The following ACYP2 variants were observed in gnomAD, a reference collection of about 807,000 sequenced individuals.
ACYP2 encodes acylphosphatase 2, also known as acylphosphatase-2.
Under a neutral mutation model 11.2 loss-of-function variants are expected in ACYP2, and 12 were observed. That is an observed-to-expected ratio of 1.08 (90% CI 0.69 to 1.74). The LOEUF (loss-of-function observed/expected upper bound fraction) is 1.74, where lower values mean the gene tolerates loss of function less well. Among genes scored for constraint, ACYP2 ranks in the 40% most tolerant of loss-of-function variants. The probability of loss-of-function intolerance (pLI) is 0.00; values close to 1 mark genes in which losing one functional copy is unlikely to be tolerated. For missense variants in ACYP2, 134 were observed against 101.9 expected (o/e 1.31, Z -1.35); for synonymous variants, 43 against 32.2 (o/e 1.33, Z -1.13).
chr2:54,162,546 A>G (rs1682765657), intron 6 of ACYP2, among the ~76,000 whole-genome samples: 1 of 152,130 alleles, frequency 6.6e-6, no homozygotes, highest in Non-Finnish European at 1.5e-5. Context: ...AGAAATGCAG[A>G]TTCTCGGCTC....
chr2:54,134,584 A>G (rs1681114537), intron 4 of ACYP2, among the ~76,000 whole-genome samples: 1 of 152,210 alleles, frequency 6.6e-6, no homozygotes, highest in Admixed American at 6.5e-5. Context: ...GTGCTTCAGC[A>G]TTTTATTTAT....
At chr2:54,051,129 C>A (rs1461292873) in intron 3 of ACYP2, 2 of 666,268 alleles carry the variant, frequency 3.0e-6, no homozygotes, top group African/African-American at 3.6e-5. Context: ...GTACACTGAA[C>A]TCCATAGAGA....
intron 4 of ACYP2, among the ~76,000 whole-genome samples, chr2:54,057,716 A>T (rs1239938641): frequency 1.3e-5 from 2 of 152,152 alleles, no homozygotes; most frequent in East Asian, 3.9e-4. Context: ...TAGCAAAAAT[A>T]TATATAATAC....
At chr2:54,123,762 T>C (rs1433275750) in intron 4 of ACYP2, among the ~76,000 whole-genome samples, 1 of 152,038 alleles carries the variant, frequency 6.6e-6, no homozygotes, top group African/African-American at 2.4e-5. Flanking sequence ...ATACCATGAT[T>C]AGGAGAAAAA....
At position 54,051,113 on chromosome 2, in the gene ACYP2, A is replaced by G. The variant is rs112820362; in HGVS notation, c.155+63A>G. ...GAGCTGTGCAATGGCTCTCACAGCC[A>G]TTGCAGTACACTGAACTCCATAGAG... On this transcript the variant is annotated intron_variant, in intron 3 of 6. Transcript: ENST00000607452. 8 of 627,666 alleles carry G rather than the reference A, an allele frequency of 1.3e-5. 1 individual carries two copies. Among genetic ancestry groups the G allele is most frequent in the African/African-American group, 9.2e-5 (5 of 54,454 alleles). The allele number at this position is 627,666 out of a possible 1,614,324, so 38.9% of individuals were successfully genotyped here.
intron 2 of ACYP2, among the ~76,000 whole-genome samples, chr2:53,995,561 T>C (rs1672536394): frequency 6.6e-6 from 1 of 151,488 alleles, no homozygotes; most frequent in African/African-American, 2.4e-5. Context: ...TGGAATGTAG[T>C]GGCATGATCT....
At chr2:54,184,581 C>G (rs1683890216) in intron 6 of ACYP2, among the ~76,000 whole-genome samples, 1 of 152,012 alleles carries the variant, frequency 6.6e-6, no homozygotes, top group South Asian at 2.1e-4. Flanking sequence ...AGATACCATT[C>G]ATGGTAGAAC....
rs565561206 is a variant in ACYP2, at chr2:54,053,656, T to G, written c.155+2606T>G. ...CTGGGCTGTGCAACTTAGGAACTCC[T>G]CTGCCACCAAGTAGATTGTGACCAC... On this transcript the variant is annotated intron_variant, in intron 3 of 6. Coordinates refer to ENST00000607452, the MANE Select transcript of ACYP2 (RefSeq NM_001320586.2). 6.6e-5 allele frequency among the ~76,000 whole-genome samples: 10 copies of G among 152,336 alleles called. No homozygotes were observed. The South Asian group carries it at 1.7e-3, about 25-fold the overall frequency.
At chr2:54,109,142 C>G (rs942664996) in intron 4 of ACYP2, among the ~76,000 whole-genome samples, 3 of 152,080 alleles carry the variant, frequency 2.0e-5, no homozygotes, top group African/African-American at 7.3e-5. Context: ...AAATATGGAA[C>G]CAGCCCAAAC....
chr2:54,295,209 A>AT (rs1038685364), intron 6 of ACYP2, among the ~76,000 whole-genome samples: 1 of 152,274 alleles, frequency 6.6e-6, no homozygotes, highest in African/African-American at 2.4e-5. Flanking sequence ...ATGCAATAAT[A>AT]TTGGGGAATG....
chr2:53,991,209 T>A (rs1234776953), intron 2 of ACYP2, among the ~76,000 whole-genome samples: 1 of 152,238 alleles, frequency 6.6e-6, no homozygotes, highest in Non-Finnish European at 1.5e-5. Flanking sequence ...CAAATGTTGC[T>A]GAGTAGCATT....
At chr2:53,973,899 G>GTA (rs1558445412) in intron 2 of ACYP2, 4 of 83,634 alleles carry the variant, frequency 4.8e-5, no homozygotes, top group African/African-American at 6.1e-5. Context: ...GTGTGTGTGT[G>GTA]TGTATATATT....
intron 6 of ACYP2, among the ~76,000 whole-genome samples, chr2:54,158,352 A>T (rs934119159): frequency 6.6e-6 from 1 of 150,392 alleles, no homozygotes; most frequent in African/African-American, 2.4e-5. Flanking sequence ...TGCTTTTCTT[A>T]TTTTTTTTCC....
chr2:54,060,325 T>C (rs929290620), intron 4 of ACYP2, among the ~76,000 whole-genome samples: 1 of 152,134 alleles, frequency 6.6e-6, no homozygotes, highest in Admixed American at 6.5e-5. Flanking sequence ...TCTAATACTT[T>C]TATTGACTTT....
chr2:54,082,621 T>C (rs1266131234), intron 4 of ACYP2: 2 of 152,256 alleles, frequency 1.3e-5, no homozygotes, highest in Non-Finnish European at 2.9e-5. Flanking sequence ...TTTTAAACCA[T>C]TTCTGCATTG....
At position 54,135,756 on chromosome 2, in the gene ACYP2, A is replaced by G. The variant is rs554246136; in HGVS notation, c.294+287A>G. 3.3e-5 allele frequency among the ~76,000 whole-genome samples: 5 copies of G among 152,366 alleles called. No homozygotes were observed. In the South Asian group the frequency reaches 1.0e-3, roughly 32 times the overall value. On this transcript the variant is annotated intron_variant, in intron 5 of 6. Coordinates refer to ENST00000607452, the MANE Select transcript of ACYP2 (RefSeq NM_001320586.2). ...TGATTAGGTGTATTGAATACAAAGT[A>G]TGGGACTTTCTACATGTTCTGGATG...
At chr2:54,149,172 C>T (rs776997813) in intron 6 of ACYP2, among the ~76,000 whole-genome samples, 4 of 152,148 alleles carry the variant, frequency 2.6e-5, no homozygotes, top group Non-Finnish European at 4.4e-5. Flanking sequence ...AATGCAATGA[C>T]AGTAAGTTGC....
At chr2:54,142,021 T>TGTA (rs1349041489) in intron 6 of ACYP2, 17 of 230,066 alleles carry the variant, frequency 7.4e-5, no homozygotes, top group Non-Finnish European at 9.5e-5. Flanking sequence ...GTATATTTTG[T>TGTA]TGTTGTTGTT....
chr2:54,065,127 A>G (rs898309700), intron 4 of ACYP2, among the ~76,000 whole-genome samples: 32 of 151,920 alleles, frequency 2.1e-4, no homozygotes, highest in Admixed American at 2.0e-3. Flanking sequence ...AAATAAATAT[A>G]GAGGGACCAA....
Sources: gnomAD v4.1 joint callset for allele counts (sites outside exome capture counted in the v4.1 genomes callset) on GRCh38, gnomAD v4.1.1 for gene constraint, MANE v1.5 for transcripts, NCBI Gene and HGNC (gene_info 2026-07-23, HGNC 2026-07-21) for gene names.